The following LRRC4C variants were observed in gnomAD, a reference collection of about 807,000 sequenced individuals.
LRRC4C encodes the protein leucine rich repeat containing 4C.
A neutral mutation model predicts 33.6 loss-of-function variants in LRRC4C; 5 were observed. The observed-to-expected ratio is 0.15, with a 90% CI of 0.08 to 0.31. The LOEUF is 0.31. Among genes scored for constraint, LRRC4C ranks in the 10% least tolerant of loss-of-function variants. The pLI is 1.00. For missense variants in LRRC4C, 560 were observed against 796.7 expected (o/e 0.70, Z 3.58); for synonymous variants, 329 against 302.0 (o/e 1.09, Z -0.93).
chr11:40,824,427 T>C (rs7935608), intron 2 of LRRC4C, among the ~76,000 whole-genome samples: 138,841 of 151,804 alleles, frequency 0.91, 63,641 homozygotes, highest in East Asian at 1. Flanking sequence ...GTCTTAATTC[T>C]TTCCTAAATA....
chr11:40,426,663 A>T (rs1158464928), intron 3 of LRRC4C, among the ~76,000 whole-genome samples: 3 of 152,146 alleles, frequency 2.0e-5, no homozygotes, highest in Admixed American at 2.0e-4. Flanking sequence ...TGTACTCTAG[A>T]AGGAAAGCTT....
chr11:40,512,736 G>C, intron 3 of LRRC4C, among the ~76,000 whole-genome samples: 1 of 152,262 alleles, frequency 6.6e-6, no homozygotes, highest in South Asian at 2.1e-4. Context: ...AAAATGCCAC[G>C]TCTGCGAAAT....
intron 2 of LRRC4C, among the ~76,000 whole-genome samples, chr11:40,681,005 C>A (rs1368330729): frequency 6.6e-6 from 1 of 152,108 alleles, no homozygotes; most frequent in Non-Finnish European, 1.5e-5. Flanking sequence ...TATTGGACAG[C>A]ACAGGTGTAA....
intron 4 of LRRC4C, among the ~76,000 whole-genome samples, chr11:40,287,092 A>C (rs1030370393): frequency 1.3e-5 from 2 of 152,152 alleles, no homozygotes; most frequent in Non-Finnish European, 2.9e-5. Context: ...CTTAGTTTTT[A>C]CTTGATCTAA....
At chr11:40,841,292 C>A (rs1952900491) in intron 2 of LRRC4C, among the ~76,000 whole-genome samples, 1 of 152,132 alleles carries the variant, frequency 6.6e-6, no homozygotes, top group South Asian at 2.1e-4. Flanking sequence ...CAATCCTTGT[C>A]CTGCTGTGAT....
At chr11:40,278,945 A>G (rs937607044) in intron 4 of LRRC4C, among the ~76,000 whole-genome samples, 1 of 152,156 alleles carries the variant, frequency 6.6e-6, no homozygotes, top group Non-Finnish European at 1.5e-5. Context: ...ATCAGCTGTG[A>G]TCTCAGGGTG....
chr11:40,466,412 A>T (rs1377287485), intron 3 of LRRC4C, among the ~76,000 whole-genome samples: 1 of 152,022 alleles, frequency 6.6e-6, no homozygotes, highest in East Asian at 1.9e-4. Context: ...CCCTAAATCT[A>T]TAAAAATAAA....
intron 3 of LRRC4C, among the ~76,000 whole-genome samples, chr11:40,597,621 A>G (rs892782415): frequency 1.4e-5 from 2 of 138,404 alleles, no homozygotes; most frequent in Non-Finnish European, 3.3e-5. Flanking sequence ...GAAGAAATCC[A>G]CTGCCCAGGT....
chr11:41,093,588 C>CCCTTTGAACAGCGTGCCA, intron 1 of LRRC4C, among the ~76,000 whole-genome samples: 1 of 152,010 alleles, frequency 6.6e-6, no homozygotes, highest in African/African-American at 2.4e-5. Flanking sequence ...AAACACTGGG[C>CCCTTTGAACAGCGTGCCA]CCTTTGAACA....
rs1259054153 is a variant in LRRC4C at position 40,487,743 on chromosome 11, T to C, written c.-270+160399A>G. 2.0e-5 allele frequency among the ~76,000 whole-genome samples: 3 copies of C among 152,114 alleles called. No homozygotes were observed. In the East Asian group the frequency reaches 5.8e-4, roughly 29 times the overall value. On this transcript the variant is annotated intron_variant, in intron 3 of 6. Coordinates refer to ENST00000528697, the MANE Select transcript of LRRC4C (RefSeq NM_001258419.2). Reference sequence around the variant, plus strand: ...TTACGTAAAACCCTTTATATAATCGTTAAACTGTACAGATTTTGATCTTGT... The same window carrying C: ...TTACGTAAAACCCTTTATATAATCGCTAAACTGTACAGATTTTGATCTTGT...
intron 6 of LRRC4C, among the ~76,000 whole-genome samples, chr11:40,139,302 G>C (rs1259614651): frequency 2.0e-5 from 3 of 152,270 alleles, no homozygotes; most frequent in Middle Eastern, 3.4e-3. Context: ...TAAGTTAGGA[G>C]TGGAACACAG....
chr11:40,717,331 T>C (rs530509036), intron 2 of LRRC4C, among the ~76,000 whole-genome samples: 14 of 152,172 alleles, frequency 9.2e-5, no homozygotes, highest in African/African-American at 2.9e-4. Flanking sequence ...TTGGAGATTT[T>C]TACACCAAAT....
intron 1 of LRRC4C, among the ~76,000 whole-genome samples, chr11:41,394,196 T>C (rs886937372): frequency 9.2e-5 from 14 of 151,944 alleles, no homozygotes. Flanking sequence ...TATTGTGGAT[T>C]AGAGTGAAGA....
At chr11:41,251,321 A>C (rs538271845) in intron 1 of LRRC4C, among the ~76,000 whole-genome samples, 1 of 152,188 alleles carries the variant, frequency 6.6e-6, no homozygotes, top group Non-Finnish European at 1.5e-5. Flanking sequence ...CTAACATCTA[A>C]TTCTTCGCTG....
At chr11:40,358,552 A>G (rs994514150) in intron 3 of LRRC4C, among the ~76,000 whole-genome samples, 2 of 152,102 alleles carry the variant, frequency 1.3e-5, no homozygotes, top group African/African-American at 4.8e-5. Flanking sequence ...AAGTGCTGGG[A>G]TTACAGGTAT....
At chr11:41,100,135 T>C (rs1283955414) in intron 1 of LRRC4C, among the ~76,000 whole-genome samples, 1 of 151,406 alleles carries the variant, frequency 6.6e-6, no homozygotes, top group East Asian at 1.9e-4. Flanking sequence ...AAAACAAAAA[T>C]CCACCTAGGA....
intron 1 of LRRC4C, among the ~76,000 whole-genome samples, chr11:41,319,743 G>T (rs550375746): frequency 6.6e-6 from 1 of 151,998 alleles, no homozygotes; most frequent in Non-Finnish European, 1.5e-5. Flanking sequence ...TAAAGATGGG[G>T]TCTTCCTATG....
chr11:40,553,527 A>G (rs990142798), intron 3 of LRRC4C, among the ~76,000 whole-genome samples: 2 of 152,180 alleles, frequency 1.3e-5, no homozygotes, highest in African/African-American at 4.8e-5. Context: ...CTAAGTAAGC[A>G]TGATGTTTCC....
chr11:40,704,197 G>A (rs2136513347), intron 2 of LRRC4C, among the ~76,000 whole-genome samples: 1 of 152,246 alleles, frequency 6.6e-6, no homozygotes, highest in African/African-American at 2.4e-5. Flanking sequence ...AATATGCACA[G>A]GTTATATGCA....
Sources: allele counts gnomAD v4.1 joint callset (sites outside exome capture counted in the v4.1 genomes callset), GRCh38; gene constraint gnomAD v4.1.1; transcripts MANE v1.5; gene names NCBI Gene and HGNC (gene_info 2026-07-23, HGNC 2026-07-21).